Variants in TMEM229B observed in about 807,000 individuals in gnomAD.
TMEM229B encodes the protein transmembrane protein 229B, also known as chromosome 14 open reading frame 83.
TMEM229B carries 6 observed loss-of-function variants against 13.7 expected under a neutral mutation model. The ratio of observed to expected loss-of-function variants is 0.44; its 90% CI spans 0.24 to 0.86. The LOEUF (loss-of-function observed/expected upper bound fraction) is 0.86, where lower values mean the gene tolerates loss of function less well. Ranked by LOEUF, TMEM229B falls within the 40% of genes least tolerant of loss-of-function variation. The pLI is 0.23. For synonymous variants in TMEM229B, 107 were observed against 102.1 expected (o/e 1.05, Z -0.29); for missense variants, 170 against 236.0 (o/e 0.72, Z 1.83).
At chr14:67,481,288 A>T (rs2031570892) in intron 2 of TMEM229B, among the ~76,000 whole-genome samples, 1 of 152,184 alleles carries the variant, frequency 6.6e-6, no homozygotes, top group African/African-American at 2.4e-5. Flanking sequence ...TCTCTTAAAA[A>T]AGAAAGAAAG....
At chr14:67,506,728 G>A (rs1280252733) in intron 1 of TMEM229B, among the ~76,000 whole-genome samples, 1 of 152,232 alleles carries the variant, frequency 6.6e-6, no homozygotes, top group Non-Finnish European at 1.5e-5. Flanking sequence ...GCTCATGCCT[G>A]TAATCCCAAC....
chr14:67,474,047 T>A, intron 2 of TMEM229B, 106 bp from the exon 3 acceptor site: 2 of 1,263,452 alleles, frequency 1.6e-6, no homozygotes, highest in Non-Finnish European at 2.1e-6. Context: ...AGGTCAGGAG[T>A]TCCAAACCAG....
intron 1 of TMEM229B, among the ~76,000 whole-genome samples, chr14:67,499,000 T>TTTATTTATTTAC (rs1437158408): frequency 1.3e-5 from 2 of 151,166 alleles, no homozygotes; most frequent in Non-Finnish European, 2.9e-5. Flanking sequence ...TATTTATTTA[T>TTTATTTATTTAC]TTATTAGTTA....
At chr14:67,510,222 T>C (rs911090826) in intron 1 of TMEM229B, among the ~76,000 whole-genome samples, 27 of 152,186 alleles carry the variant, frequency 1.8e-4, no homozygotes, top group African/African-American at 5.8e-4. Flanking sequence ...ATGGTGATTG[T>C]CATTATTATT....
intron 1 of TMEM229B, among the ~76,000 whole-genome samples, chr14:67,522,221 G>C (rs1298308226): frequency 6.6e-6 from 1 of 152,066 alleles, no homozygotes; most frequent in Non-Finnish European, 1.5e-5. Flanking sequence ...GGGATTGTGC[G>C]GGAGAGCCCC....
chr14:67,491,391 C>T (rs2032162278), upstream of TMEM229B, among the ~76,000 whole-genome samples: 3 of 152,222 alleles, frequency 2.0e-5, no homozygotes, highest in Admixed American at 2.0e-4. Flanking sequence ...TTCTAATCCT[C>T]TAAGCATTTG....
chr14:67,531,409 C>T (rs1185649014), intron 1 of TMEM229B, among the ~76,000 whole-genome samples: 1 of 152,092 alleles, frequency 6.6e-6, no homozygotes, highest in Non-Finnish European at 1.5e-5. Flanking sequence ...CTCTACCACC[C>T]TCCCACAGAC....
At chr14:67,533,106 G>A (rs1357081034) in intron 1 of TMEM229B, among the ~76,000 whole-genome samples, 4 of 152,194 alleles carry the variant, frequency 2.6e-5, no homozygotes, top group Non-Finnish European at 2.9e-5. Flanking sequence ...GGAGAGCTGA[G>A]CCCAGCGCTC....
chr14:67,499,292 C>T (rs949476582), intron 1 of TMEM229B, among the ~76,000 whole-genome samples: 4 of 152,222 alleles, frequency 2.6e-5, no homozygotes, highest in African/African-American at 9.6e-5. Flanking sequence ...GTATGGGCCA[C>T]TGTGCCCCAC....
At chr14:67,495,649 G>T (rs1197770549) in intron 1 of TMEM229B, among the ~76,000 whole-genome samples, 1 of 152,022 alleles carries the variant, frequency 6.6e-6, no homozygotes, top group African/African-American at 2.4e-5. Context: ...ATGCCCAGTT[G>T]ATTTTTGTAC....
chr14:67,496,677 T>C (rs2032397000), intron 1 of TMEM229B, among the ~76,000 whole-genome samples: 2 of 150,802 alleles, frequency 1.3e-5, no homozygotes, highest in Admixed American at 1.3e-4. Context: ...CTTTCCTTCC[T>C]TCCTCCCTCC....
At chr14:67,509,881 G>C (rs1361756077) in intron 1 of TMEM229B, among the ~76,000 whole-genome samples, 1 of 152,018 alleles carries the variant, frequency 6.6e-6, no homozygotes, top group Non-Finnish European at 1.5e-5. Flanking sequence ...GCTAGGTATG[G>C]TGGCACATGC....
At chr14:67,507,562 C>A (rs185145999) in intron 1 of TMEM229B, among the ~76,000 whole-genome samples, 1 of 152,048 alleles carries the variant, frequency 6.6e-6, no homozygotes, top group East Asian at 1.9e-4. Context: ...GATCCTCCCA[C>A]CTCAGCCTCC....
intron 1 of TMEM229B, among the ~76,000 whole-genome samples, chr14:67,507,876 C>A (rs575863666): frequency 6.6e-6 from 1 of 152,128 alleles, no homozygotes; most frequent in Admixed American, 6.6e-5. Flanking sequence ...TGTTGGCTCA[C>A]GCCTGTAGTC....
At chr14:67,511,014 T>C (rs2033006329) in intron 1 of TMEM229B, among the ~76,000 whole-genome samples, 1 of 152,128 alleles carries the variant, frequency 6.6e-6, no homozygotes, top group East Asian at 1.9e-4. Context: ...GGCCCTTCAA[T>C]CTCCTTGGCT....
At chr14:67,531,797 G>A (rs1351568409) in intron 1 of TMEM229B, among the ~76,000 whole-genome samples, 6 of 131,448 alleles carry the variant, frequency 4.6e-5, no homozygotes, top group Non-Finnish European at 7.9e-5. Context: ...AGTCCCAGCT[G>A]TTCATGAGGC....
chr14:67,479,992 TG>T (rs1246807661), intron 2 of TMEM229B, among the ~76,000 whole-genome samples: 1 of 152,192 alleles, frequency 6.6e-6, no homozygotes, highest in Admixed American at 6.5e-5. Flanking sequence ...TGAGACCTAA[TG>T]GACGCTGCCC....
intron 1 of TMEM229B, among the ~76,000 whole-genome samples, chr14:67,521,822 A>G (rs1326496636): frequency 6.6e-6 from 1 of 152,178 alleles, no homozygotes; most frequent in African/African-American, 2.4e-5. Context: ...ATCACCTCAT[A>G]CTTTTAAGTA....
At chr14:67,509,610 C>T (rs1885040) in intron 1 of TMEM229B, among the ~76,000 whole-genome samples, 94,677 of 151,888 alleles carry the variant, frequency 0.62, 31,584 homozygotes, top group Non-Finnish European at 0.76. Context: ...TGAGCCACCG[C>T]ACCTGGTCAA....
Sources: allele counts gnomAD v4.1 joint callset (sites outside exome capture counted in the v4.1 genomes callset), GRCh38; gene constraint gnomAD v4.1.1; transcripts MANE v1.5; gene names NCBI Gene and HGNC (gene_info 2026-07-23, HGNC 2026-07-21).